The following SEMA6D variants were observed in gnomAD, a reference collection of about 807,000 sequenced individuals.
SEMA6D encodes the protein semaphorin-6D.
A neutral mutation model predicts 106.6 loss-of-function variants in SEMA6D; 35 were observed. The ratio of observed to expected loss-of-function variants is 0.33; its 90% CI spans 0.25 to 0.44. The LOEUF (loss-of-function observed/expected upper bound fraction) is 0.44, where lower values mean the gene tolerates loss of function less well. Ranked by LOEUF, SEMA6D falls within the 20% of genes least tolerant of loss-of-function variation. The pLI is 1.00. For missense variants in SEMA6D, 1,185 were observed against 1,345.9 expected, an observed-to-expected ratio of 0.88 and a Z score of 1.87; for synonymous variants, 499 against 487.7, an observed-to-expected ratio of 1.02 and a Z score of -0.31.
intron 2 of SEMA6D, among the ~76,000 whole-genome samples, chr15:47,447,069 A>G (rs2042050344): frequency 6.6e-6 from 1 of 152,028 alleles, no homozygotes. Context: ...TGCCATATCC[A>G]TGCTGAAGGG....
In SEMA6D at chr15:47,703,535, C is replaced by A. The variant is rs1153825; in HGVS notation, c.-54-56210C>A. On this transcript the variant is annotated intron_variant, in intron 4 of 19. Coordinates refer to the SEMA6D transcript ENST00000558014. ...TGGAAAAAAAAATGAAAGGAACCCA[C>A]TACGTAGCAACCCAATTTGTGACAA... 4.6e-5 allele frequency among the ~76,000 whole-genome samples: 7 copies of A among 152,038 alleles called. No individual in the cohort carries two copies. The South Asian group carries it at 1.5e-3, about 32-fold the overall frequency.
intron 1 of SEMA6D, among the ~76,000 whole-genome samples, chr15:47,402,313 C>T (rs1761130240): frequency 6.6e-6 from 1 of 152,138 alleles, no homozygotes. Context: ...ATTTCCTTCT[C>T]TGTTATATAG....
intron 1 of SEMA6D, among the ~76,000 whole-genome samples, chr15:47,255,271 G>A (rs2033745529): frequency 6.6e-6 from 1 of 151,974 alleles, no homozygotes; most frequent in Admixed American, 6.6e-5. Context: ...TTGTATTACT[G>A]TGGTGTCAGT....
At chr15:47,350,323 A>C (rs920283833) in intron 1 of SEMA6D, among the ~76,000 whole-genome samples, 1 of 152,218 alleles carries the variant, frequency 6.6e-6, no homozygotes, top group African/African-American at 2.4e-5. Context: ...TGCATACAGC[A>C]TATAAAAATA....
chr15:47,372,570 A>T (rs1375593078), intron 1 of SEMA6D, among the ~76,000 whole-genome samples: 1 of 152,062 alleles, frequency 6.6e-6, no homozygotes, highest in South Asian at 2.1e-4. Flanking sequence ...GCTACAGCTT[A>T]CAAAGCACAC....
chr15:47,321,821 A>G (rs1225451993), intron 1 of SEMA6D, among the ~76,000 whole-genome samples: 3 of 152,096 alleles, frequency 2.0e-5, no homozygotes, highest in African/African-American at 4.8e-5. Flanking sequence ...CTATTGGGCT[A>G]TTTTTTAAAT....
At chr15:47,470,384 C>G (rs918529343) in intron 2 of SEMA6D, 19 of 146,416 alleles carry the variant, frequency 1.3e-4, no homozygotes, top group African/African-American at 4.9e-4. Flanking sequence ...TTTATTTTCT[C>G]TTTTTTTAGT....
intron 2 of SEMA6D, among the ~76,000 whole-genome samples, chr15:47,425,291 C>T (rs1190931179): frequency 6.6e-6 from 1 of 152,000 alleles, no homozygotes; most frequent in East Asian, 1.9e-4. Context: ...GGGAGCTTTT[C>T]GAGTGATCCC....
chr15:47,232,199 G>A (rs2032241109), intron 1 of SEMA6D, among the ~76,000 whole-genome samples: 2 of 151,968 alleles, frequency 1.3e-5, no homozygotes, highest in Admixed American at 1.3e-4. Context: ...TCTCTCGTAT[G>A]ACTGCATCAT....
chr15:47,372,614 C>T (rs1309651693), intron 1 of SEMA6D, among the ~76,000 whole-genome samples: 1 of 152,204 alleles, frequency 6.6e-6, no homozygotes, highest in African/African-American at 2.4e-5. Flanking sequence ...CTTTGGTACA[C>T]TCTTTCCCAT....
At chr15:47,450,416 CT>C (rs2042155366) in intron 2 of SEMA6D, among the ~76,000 whole-genome samples, 1 of 152,060 alleles carries the variant, frequency 6.6e-6, no homozygotes, top group Admixed American at 6.6e-5. Flanking sequence ...CTCACCTCAC[CT>C]TGTTAGTGTG....
intron 3 of SEMA6D, among the ~76,000 whole-genome samples, chr15:47,584,975 T>C (rs959385340): frequency 6.6e-6 from 1 of 152,250 alleles, no homozygotes; most frequent in Admixed American, 6.5e-5. Context: ...GTGATATTGA[T>C]AAGGCCCCAC....
At chr15:47,324,126 G>GT (rs36105862) in intron 1 of SEMA6D, among the ~76,000 whole-genome samples, 10,018 of 152,032 alleles carry the variant, frequency 0.066, 475 homozygotes, top group Middle Eastern at 0.18. Context: ...TTTTTGTTGA[G>GT]TACATAGACT....
intron 1 of SEMA6D, among the ~76,000 whole-genome samples, chr15:47,367,622 T>C (rs945682914): frequency 2.2e-4 from 33 of 152,046 alleles, no homozygotes; most frequent in African/African-American, 7.7e-4. Context: ...AAAACTGTTA[T>C]TCTGTGATTT....
chr15:47,635,848 T>C (rs1393765173), intron 4 of SEMA6D, among the ~76,000 whole-genome samples: 1 of 151,928 alleles, frequency 6.6e-6, no homozygotes, highest in African/African-American at 2.4e-5. Context: ...ACAAATGTCA[T>C]GCATGTTTTA....
intron 1 of SEMA6D, among the ~76,000 whole-genome samples, chr15:47,292,941 C>T (rs1490770054): frequency 6.6e-6 from 1 of 152,162 alleles, no homozygotes; most frequent in Non-Finnish European, 1.5e-5. Flanking sequence ...ACTTGTTCGC[C>T]TGGCTGTGCA....
chr15:47,771,752 A>T lies in SEMA6D; in HGVS notation c.3189A>T (p.Pro1063=). The change falls in exon 19 of 19, where the codon CCA becomes CCT. Residue 1063 remains proline (P), a synonymous_variant. Transcript: ENST00000536845. The part of the protein sequence containing the change: ...PPKPSFVPQT[P]SVRPLNKYTY Reference sequence around the variant, plus strand: ...AGCCTTCCTTTGTTCCTCAAACCCCATCTGTCAGACCACTGAACAAATACA... The same window carrying T: ...AGCCTTCCTTTGTTCCTCAAACCCCTTCTGTCAGACCACTGAACAAATACA... 6.2e-7 allele frequency: 1 copy of T among 1,613,832 alleles called. No homozygotes were observed. The highest frequency in any genetic ancestry group is 1.1e-5 in the South Asian group (1 of 91,042).
intron 3 of SEMA6D, among the ~76,000 whole-genome samples, chr15:47,594,903 G>T (rs1243617988): frequency 6.6e-6 from 1 of 152,184 alleles, no homozygotes; most frequent in African/African-American, 2.4e-5. Flanking sequence ...GTATCTGTGT[G>T]TAGAGGAGTG....
chr15:47,636,926 T>G (rs975141801), intron 4 of SEMA6D, among the ~76,000 whole-genome samples: 1 of 152,196 alleles, frequency 6.6e-6, no homozygotes, highest in East Asian at 1.9e-4. Flanking sequence ...TGCCCTAGGC[T>G]GGGCTATGTG....
Sources: allele counts gnomAD v4.1 joint callset (sites outside exome capture counted in the v4.1 genomes callset), GRCh38; gene constraint gnomAD v4.1.1; transcripts MANE v1.5; gene names NCBI Gene and HGNC (gene_info 2026-07-23, HGNC 2026-07-21).